The following MCC variants were observed in gnomAD, a reference collection of about 807,000 sequenced individuals.
MCC encodes colorectal mutant cancer protein.
A neutral mutation model predicts 116.2 loss-of-function variants in MCC; 90 were observed. That is an observed-to-expected ratio of 0.77 (90% CI 0.65 to 0.92). The LOEUF (loss-of-function observed/expected upper bound fraction) is 0.92, where lower values mean the gene tolerates loss of function less well. Among genes scored for constraint, MCC ranks in the 40% least tolerant of loss-of-function variants. MCC has a pLI of 0.00. For synonymous variants in MCC, 578 were observed against 510.5 expected (o/e 1.13, Z -1.78); for missense variants, 1,516 against 1,312.2 (o/e 1.16, Z -2.40).
chr5:113,470,213 A>T (rs1772044481), intron 1 of MCC, among the ~76,000 whole-genome samples: 1 of 151,728 alleles, frequency 6.6e-6, no homozygotes, highest in South Asian at 2.1e-4. Flanking sequence ...TGTGAATTTG[A>T]TCCTGTCTTT....
chr5:113,153,684 T>C (rs558998443), intron 3 of MCC, among the ~76,000 whole-genome samples: 1 of 152,356 alleles, frequency 6.6e-6, no homozygotes, highest in East Asian at 1.9e-4. Context: ...CACCCAATTA[T>C]GGTGATGACA....
intron 17 of MCC, among the ~76,000 whole-genome samples, chr5:113,038,367 C>A (rs531662393): frequency 6.6e-6 from 1 of 152,050 alleles, no homozygotes; most frequent in African/African-American, 2.4e-5. Context: ...AATCCCTGGC[C>A]CTAAAAGGAC....
chr5:113,350,716 A>G (rs544307236), intron 2 of MCC, among the ~76,000 whole-genome samples: 1 of 152,288 alleles, frequency 6.6e-6, no homozygotes, highest in South Asian at 2.1e-4. Context: ...GCTTCTGCAC[A>G]GCAAAGAAAC....
Position 113,340,524 on chromosome 5 carries a change from T to G in MCC, c.622A>C (p.Asn208His). The change falls in exon 3 of 19, where the codon AAC (asparagine) becomes CAC (histidine). Residue 208 changes from asparagine to histidine, a missense_variant. Asn to His is a moderately conservative substitution (Grantham distance 68). Transcript: ENST00000408903. ...SVGGSYLELA[N>H]TLHSAALASL... Reference sequence around the variant, plus strand: ...ATGAACCAAAAAGTACTCACTGTGTTGGCCAGCTCTAGATAGCTTCCTCCT... The same window carrying G: ...ATGAACCAAAAAGTACTCACTGTGTGGGCCAGCTCTAGATAGCTTCCTCCT... The G allele has an allele frequency of 1.2e-6, 2 of 1,614,114 alleles. No homozygotes were observed. Among genetic ancestry groups the G allele is most frequent in the Middle Eastern group, 1.7e-4 (1 of 6,058 alleles).
At chr5:113,251,496 G>A (rs984317050) in intron 3 of MCC, among the ~76,000 whole-genome samples, 2 of 152,200 alleles carry the variant, frequency 1.3e-5, no homozygotes, top group South Asian at 4.1e-4. Flanking sequence ...GGCCTGGCAG[G>A]TAACTAAATG....
intron 3 of MCC, among the ~76,000 whole-genome samples, chr5:113,277,164 G>A (rs1202378824): frequency 4.0e-5 from 6 of 150,246 alleles, no homozygotes; most frequent in African/African-American, 7.4e-5. Context: ...CCAACATGGT[G>A]AAACCCCATC....
Position 113,385,225 on chromosome 5 carries a change from T to C in MCC, c.171-13A>G, listed in dbSNP as rs146947038. 1.1e-5 allele frequency: 18 copies of C among 1,611,150 alleles called. No homozygotes were observed. The South Asian group carries it at 1.6e-4, about 15-fold the overall frequency. On this transcript the variant is annotated splice_polypyrimidine_tract_variant and intron_variant, in intron 1 of 18. Coordinates refer to ENST00000408903, the MANE Select transcript of MCC (RefSeq NM_001085377.2). The stretch of plus-strand genomic sequence containing the variant: ...TAGCAAGTCATTTCTGCAGAAGGGG[T>C]TGAACAGAAGAAAATGTGTTATGAG...
chr5:113,472,003 C>T (rs1772106248), intron 1 of MCC, among the ~76,000 whole-genome samples: 1 of 152,066 alleles, frequency 6.6e-6, no homozygotes, highest in Admixed American at 6.6e-5. Context: ...TTTTTTAAGC[C>T]CGTTGGAAAA....
chr5:113,212,559 A>G (rs1483027437), intron 3 of MCC, among the ~76,000 whole-genome samples: 2 of 152,228 alleles, frequency 1.3e-5, no homozygotes, highest in Non-Finnish European at 2.9e-5. Flanking sequence ...AAAAAATGCA[A>G]GCCTCTAGAT....
chr5:113,064,187 A>G lies in MCC; in HGVS notation c.2030-20T>C, dbSNP rs376979460. Reference sequence around the variant, plus strand: ...GGTCTCCTATGTGGCAGAGAAGCCAACGGATTAATCAACATAGGCCTGGAC... The same window carrying G: ...GGTCTCCTATGTGGCAGAGAAGCCAGCGGATTAATCAACATAGGCCTGGAC... On this transcript the variant is annotated intron_variant, in intron 13 of 18. Transcript: ENST00000408903. 1.9e-6 allele frequency: 3 copies of G among 1,596,968 alleles called. No individual in the cohort carries two copies. Among genetic ancestry groups the G allele is most frequent in the Non-Finnish European group, 8.5e-7 (1 of 1,169,788 alleles).
At chr5:113,064,656 T>C (rs972889527) in intron 13 of MCC, among the ~76,000 whole-genome samples, 1 of 152,178 alleles carries the variant, frequency 6.6e-6, no homozygotes, top group African/African-American at 2.4e-5. Flanking sequence ...AAACTAATGG[T>C]TCAGACGAGA....
In MCC at chr5:113,043,547, G is replaced by A; in HGVS notation, c.2739C>T (p.Phe913=). The A allele has an allele frequency of 6.2e-7, 1 of 1,614,092 alleles. No individual in the cohort carries two copies. Residue 913 remains phenylalanine (F), a synonymous_variant, in exon 17 of 19, where the codon TTC becomes TTT. Coordinates refer to ENST00000408903, the MANE Select transcript of MCC (RefSeq NM_001085377.2). ...GTGCTTACCGACGAATGGCGTTGGT[G>A]AACTCCGCAGCCAGCTCATTCTCGC... ...TCSENELAAE[F]TNAIRREKKL...
chr5:113,355,212 C>T (rs1173225895), intron 2 of MCC, among the ~76,000 whole-genome samples: 1 of 152,152 alleles, frequency 6.6e-6, no homozygotes, highest in Admixed American at 6.5e-5. Flanking sequence ...AAAGGAAGTG[C>T]AAGACATGCC....
chr5:113,153,162 C>A (rs998529790), intron 3 of MCC, among the ~76,000 whole-genome samples: 4 of 152,176 alleles, frequency 2.6e-5, no homozygotes, highest in Non-Finnish European at 5.9e-5. Context: ...CACCTCACCT[C>A]CGGCGAAAAG....
intron 3 of MCC, among the ~76,000 whole-genome samples, chr5:113,218,055 G>C (rs1386406745): frequency 6.7e-6 from 1 of 148,278 alleles, no homozygotes; most frequent in African/African-American, 2.5e-5. Context: ...AATCCTAAGT[G>C]AGCATCTGGC....
intron 3 of MCC, among the ~76,000 whole-genome samples, chr5:113,202,210 G>C (rs1762712151): frequency 6.6e-6 from 1 of 150,734 alleles, no homozygotes; most frequent in South Asian, 2.1e-4. Context: ...TTTTGCAAAA[G>C]GGGGAAAAAA....
chr5:113,280,821 G>C (rs1766017597), intron 3 of MCC, among the ~76,000 whole-genome samples: 1 of 152,166 alleles, frequency 6.6e-6, no homozygotes, highest in African/African-American at 2.4e-5. Context: ...GCTTAGAGGT[G>C]GCAGTCAAAG....
At chr5:113,268,957 G>T (rs186253193) in intron 3 of MCC, among the ~76,000 whole-genome samples, 2 of 152,198 alleles carry the variant, frequency 1.3e-5, no homozygotes, top group Admixed American at 6.5e-5. Flanking sequence ...TAAAAGCTAG[G>T]CTTTTTTTTC....
chr5:113,035,002 C>T (rs1235022461), intron 17 of MCC, among the ~76,000 whole-genome samples: 1 of 152,178 alleles, frequency 6.6e-6, no homozygotes, highest in Non-Finnish European at 1.5e-5. Flanking sequence ...CCTCCATTCC[C>T]TTTTCCTAAA....
Sources: allele counts gnomAD v4.1 joint callset (sites outside exome capture counted in the v4.1 genomes callset), GRCh38; gene constraint gnomAD v4.1.1; transcripts MANE v1.5; gene names NCBI Gene and HGNC (gene_info 2026-07-23, HGNC 2026-07-21).